MCM8: variants seen among roughly 807,000 people sequenced by gnomAD.
The protein encoded by MCM8 is minichromosome maintenance 8 homologous recombination repair factor.
MCM8 carries 85 observed loss-of-function variants against 98.9 expected under a neutral mutation model. That is an observed-to-expected ratio of 0.86 (90% CI 0.72 to 1.03). MCM8 has a LOEUF of 1.03. Ranked by LOEUF, MCM8 falls within the 50% of genes least tolerant of loss-of-function variation. MCM8 has a pLI of 0.00. For synonymous variants in MCM8, 352 were observed against 338.6 expected, an observed-to-expected ratio of 1.04 and a Z score of -0.44; for missense variants, 951 against 997.8, an observed-to-expected ratio of 0.95 and a Z score of 0.63.
intron 7 of MCM8, among the ~76,000 whole-genome samples, chr20:5,961,674 C>G (rs2089146293): frequency 6.6e-6 from 1 of 152,214 alleles, no homozygotes; most frequent in Non-Finnish European, 1.5e-5. Context: ...GGGTCTCACT[C>G]TGTCACCCAG....
chr20:5,985,441 C>CAAA (rs59820663), intron 15 of MCM8, among the ~76,000 whole-genome samples: 4 of 92,728 alleles, frequency 4.3e-5, no homozygotes, highest in Admixed American at 2.3e-4. Flanking sequence ...GAGACTGTCT[C>CAAA]AAAAAAAAAA....
intron 17 of MCM8, among the ~76,000 whole-genome samples, chr20:5,988,192 G>A (rs2089771343): frequency 6.6e-6 from 1 of 152,040 alleles, no homozygotes. Context: ...CAGGTATGGT[G>A]GCTCACACCT....
In MCM8 at chr20:5,957,224, T is replaced by C. The variant is rs150686080; in HGVS notation, c.585T>C (p.His195=). 88 of 1,611,638 alleles carry C rather than the reference T, an allele frequency of 5.5e-5. No individual in the cohort carries two copies. The African/African-American group carries it at 8.4e-4, about 15-fold the overall frequency. ...CAATGGTAAATGTGCCACATATTCATGCAAGGTGAGGAATTTGATGTATTA... is the reference window on the plus strand; with the variant it reads ...CAATGGTAAATGTGCCACATATTCACGCAAGGTGAGGAATTTGATGTATTA... ...GETMVNVPHI[H]ARVYNYEPLT... Residue 195 remains histidine, a synonymous_variant, in exon 6 of 19, where the codon CAT becomes CAC. Coordinates refer to ENST00000610722, the MANE Select transcript of MCM8 (RefSeq NM_032485.6).
intron 10 of MCM8, among the ~76,000 whole-genome samples, chr20:5,970,214 T>C (rs150296934): frequency 1.3e-5 from 2 of 152,330 alleles, no homozygotes; most frequent in African/African-American, 4.8e-5. Context: ...CAGTATAGCC[T>C]GTGAAGCTGA....
chr20:5,967,415 A>C, intron 8 of MCM8, 21 bp from the exon 9 acceptor site: 1 of 1,607,514 alleles, frequency 6.2e-7, no homozygotes, highest in Non-Finnish European at 8.5e-7. Flanking sequence ...ATTCTAACTG[A>C]AAACTATTTA....
At chr20:5,983,309 C>G (rs530612277) in intron 14 of MCM8, 144 bp downstream of exon 14, 3 of 680,650 alleles carry the variant, frequency 4.4e-6, no homozygotes, top group Non-Finnish European at 7.1e-6. Flanking sequence ...CAAAAATGTG[C>G]TTAAACACTG....
chr20:5,956,602 C>T (rs949080411), intron 5 of MCM8, among the ~76,000 whole-genome samples: 9 of 152,056 alleles, frequency 5.9e-5, no homozygotes, highest in Admixed American at 2.0e-4. Context: ...CCATGTTGGT[C>T]GGGCTGGTCT....
At chr20:5,984,715 T>C in intron 14 of MCM8, 66 bp from the exon 15 acceptor site, 3 of 1,312,760 alleles carry the variant, frequency 2.3e-6, no homozygotes, top group Non-Finnish European at 3.2e-6. Flanking sequence ...AATAAGTGAG[T>C]AGACAGTTTT....
chr20:5,994,355 A>T lies in MCM8; in HGVS notation c.2487A>T (p.Lys829Asn). The change falls in exon 19 of 19, where the codon AAA becomes AAT. Residue 829 changes from lysine to asparagine, a missense_variant. Coordinates refer to ENST00000610722, the MANE Select transcript of MCM8 (RefSeq NM_032485.6). The part of the protein sequence containing the change: ...GSLNDQGYLL[K>N]KGPKVYQLQT... ...TAAATGACCAGGGTTACCTCTTGAA[A>T]AAAGGCCCAAAAGTTTACCAGCTTC... The T allele has an allele frequency of 1.2e-6, 2 of 1,610,460 alleles. No individual in the cohort carries two copies. The highest frequency in any genetic ancestry group is 1.7e-6 in the Non-Finnish European group (2 of 1,178,718).
intron 5 of MCM8, among the ~76,000 whole-genome samples, chr20:5,956,310 T>C (rs2088980299): frequency 6.6e-6 from 1 of 152,242 alleles, no homozygotes; most frequent in South Asian, 2.1e-4. Context: ...GTATTTTGTC[T>C]GTACATCTTT....
chr20:5,992,035 T>G (rs779957824), intron 17 of MCM8, among the ~76,000 whole-genome samples: 2 of 152,190 alleles, frequency 1.3e-5, no homozygotes, highest in African/African-American at 2.4e-5. Context: ...AACTAAATGC[T>G]TATATTTAGT....
At chr20:5,991,425 G>T in intron 17 of MCM8, 1 of 152,058 alleles carries the variant, frequency 6.6e-6, no homozygotes, top group East Asian at 1.9e-4. Context: ...AGTTGCTTTG[G>T]TGGTAAATTT....
intron 17 of MCM8, among the ~76,000 whole-genome samples, chr20:5,992,800 T>C (rs1600318333): frequency 6.6e-6 from 1 of 152,204 alleles, no homozygotes; most frequent in South Asian, 2.1e-4. Flanking sequence ...AATTAATTAA[T>C]TCCTGATTAA....
At chr20:5,961,000 G>C (rs1239372204) in intron 7 of MCM8, among the ~76,000 whole-genome samples, 2 of 152,120 alleles carry the variant, frequency 1.3e-5, no homozygotes, top group Non-Finnish European at 2.9e-5. Context: ...TTCCTACATT[G>C]CTTCTAAGAA....
chr20:5,982,308 C>T (rs1418161796), intron 13 of MCM8, among the ~76,000 whole-genome samples: 1 of 152,118 alleles, frequency 6.6e-6, no homozygotes, highest in East Asian at 1.9e-4. Flanking sequence ...AGAGTAGATA[C>T]GGAGGGGTTT....
At position 5,984,870 on chromosome 20, in the gene MCM8, A is replaced by G. The variant is rs1312385158; in HGVS notation, c.1823A>G (p.His608Arg). Residue 608 changes from histidine to arginine, a missense_variant, in exon 15 of 19, where the codon CAT becomes CGT. Coordinates refer to ENST00000610722, the MANE Select transcript of MCM8 (RefSeq NM_032485.6). ...CATCATGATCACTTACTCTCTGAAC[A>G]TGTGATTGCAATAAGAGCTGGAAAG... The part of the protein sequence containing the change: ...NEHHDHLLSE[H>R]VIAIRAGKQR... 2 of 1,614,090 alleles carry G rather than the reference A, an allele frequency of 1.2e-6. No individual in the cohort carries two copies. Among genetic ancestry groups the G allele is most frequent in the African/African-American group, 1.3e-5 (1 of 75,044 alleles).
intron 7 of MCM8, among the ~76,000 whole-genome samples, chr20:5,959,286 A>T (rs1315504542): frequency 6.6e-6 from 1 of 152,228 alleles, no homozygotes; most frequent in African/African-American, 2.4e-5. Flanking sequence ...ATATGGTTAT[A>T]TAAAGTTGAA....
intron 3 of MCM8, 150 bp from the exon 4 acceptor site, chr20:5,954,458 A>G (rs73894095): frequency 0.012 from 5,394 of 456,856 alleles, 160 homozygotes; most frequent in African/African-American, 0.077. Flanking sequence ...TTAAGTTTAC[A>G]TTCTATACTA....
rs755520589 is a variant in MCM8, at chr20:5,986,115, T to C, written c.2147T>C (p.Leu716Ser). Residue 716 changes from leucine (L) to serine (S), a missense_variant, in exon 16 of 19, where the codon TTG becomes TCG. Physicochemically the swap from Leu to Ser is moderately radical, Grantham distance 145. Coordinates refer to ENST00000610722, the MANE Select transcript of MCM8 (RefSeq NM_032485.6). ...ATCACTACCAGGCAGCTGGAATCTT[T>C]GATTCGTCTGACAGAGGTTTGTTTC... Reference protein sequence around the residue: ...SPITTRQLESLIRLTEARARL... With the variant: ...SPITTRQLESSIRLTEARARL... 8 of 1,614,216 alleles carry C rather than the reference T, an allele frequency of 5.0e-6. No homozygotes were observed. The highest frequency in any genetic ancestry group is 6.8e-6 in the Non-Finnish European group (8 of 1,180,034).
Sources: allele counts gnomAD v4.1 joint callset (sites outside exome capture counted in the v4.1 genomes callset), GRCh38; gene constraint gnomAD v4.1.1; transcripts MANE v1.5; gene names NCBI Gene and HGNC (gene_info 2026-07-23, HGNC 2026-07-21).